Variants in TTLL11 observed in about 807,000 individuals in gnomAD.
TTLL11 encodes the protein tubulin tyrosine ligase like 11, also known as tubulin polyglutamylase TTLL11.
In TTLL11, 42 loss-of-function variants were observed where a neutral mutation model predicts 51.7. That is an observed-to-expected ratio of 0.81 (90% CI 0.64 to 1.05). The LOEUF (loss-of-function observed/expected upper bound fraction) is 1.05, where lower values mean the gene tolerates loss of function less well. TTLL11 is among the 50% of genes least tolerant of loss of function. The pLI is 0.00. For missense variants in TTLL11, 799 were observed against 940.4 expected, an observed-to-expected ratio of 0.85 and a Z score of 1.97; for synonymous variants, 381 against 383.5, an observed-to-expected ratio of 0.99 and a Z score of 0.08.
intron 7 of TTLL11, among the ~76,000 whole-genome samples, chr9:121,861,257 A>G (rs748237177): frequency 6.6e-6 from 1 of 152,046 alleles, no homozygotes; most frequent in African/African-American, 2.4e-5. Flanking sequence ...TTATATTTTT[A>G]GTAGAGACGG....
intron 1 of TTLL11, among the ~76,000 whole-genome samples, chr9:122,083,998 C>T (rs939867225): frequency 7.2e-5 from 11 of 152,028 alleles, no homozygotes; most frequent in African/African-American, 1.7e-4. Context: ...GGAATTGGAA[C>T]GAAGTTATTT....
rs1183195086 is a variant in TTLL11, at chr9:121,913,320, T to TAA, written c.1482-42574_1482-42573dup. Among the ~76,000 whole-genome samples the TAA allele has an allele frequency of 1.1e-4, 16 of 152,296 alleles. No individual in the cohort carries two copies. The South Asian group carries it at 1.5e-3, about 14-fold the overall frequency. ...ATCTTACTGACGCTAATTATTTCTT[T>TAA]AAAATGTGCGGATCTGTCCATTGGC... On this transcript the variant is annotated intron_variant, in intron 6 of 8. Coordinates refer to ENST00000321582, the MANE Select transcript of TTLL11 (RefSeq NM_001139442.2).
intron 3 of TTLL11, among the ~76,000 whole-genome samples, chr9:122,018,604 T>C (rs1844065019): frequency 2.0e-5 from 3 of 152,136 alleles, no homozygotes; most frequent in Admixed American, 2.0e-4. Flanking sequence ...GATGAAGAAA[T>C]GGGACTGAGT....
At chr9:121,839,211 A>G (rs576911176) in intron 8 of TTLL11, among the ~76,000 whole-genome samples, 25 of 152,308 alleles carry the variant, frequency 1.6e-4, no homozygotes, top group African/African-American at 5.5e-4. Context: ...CTGCGTTTCC[A>G]TGTTTAATGT....
chr9:121,951,258 T>C (rs906060996), intron 6 of TTLL11, among the ~76,000 whole-genome samples: 2 of 152,182 alleles, frequency 1.3e-5, no homozygotes, highest in African/African-American at 4.8e-5. Flanking sequence ...CCTGCAAGTT[T>C]CTCATTAATT....
Position 121,861,069 on chromosome 9 carries a change from T to C in TTLL11, c.1734-626A>G, listed in dbSNP as rs573310108. Among the ~76,000 whole-genome samples, 11 of 148,902 alleles carry C rather than the reference T, an allele frequency of 7.4e-5. No homozygotes were observed. The South Asian group carries it at 8.6e-4, about 12-fold the overall frequency. ...AACAGGCTGGAAAGAGCAAGAACTT[T>C]AGAAAAGCAAGGCAAGTGTTTTTTT... On this transcript the variant is annotated intron_variant, in intron 7 of 8. Coordinates refer to ENST00000321582, the MANE Select transcript of TTLL11 (RefSeq NM_001139442.2).
intron 1 of TTLL11, among the ~76,000 whole-genome samples, chr9:122,059,465 C>A (rs1007425626): frequency 6.6e-6 from 1 of 152,022 alleles, no homozygotes; most frequent in African/African-American, 2.4e-5. Flanking sequence ...CAGTTTTCAA[C>A]CTCATAAGTG....
At chr9:121,930,619 G>A (rs1327860371) in intron 6 of TTLL11, among the ~76,000 whole-genome samples, 1 of 152,218 alleles carries the variant, frequency 6.6e-6, no homozygotes, top group Non-Finnish European at 1.5e-5. Flanking sequence ...CAGCCAGCCA[G>A]CCGGCAGTGG....
At chr9:122,063,134 C>G (rs1187101489) in intron 1 of TTLL11, among the ~76,000 whole-genome samples, 2 of 152,046 alleles carry the variant, frequency 1.3e-5, no homozygotes, top group East Asian at 3.8e-4. Context: ...ATTTTTTTTA[C>G]CTGAATGTCA....
chr9:122,021,191 C>T (rs1270847216), intron 3 of TTLL11, among the ~76,000 whole-genome samples: 1 of 152,042 alleles, frequency 6.6e-6, no homozygotes, highest in South Asian at 2.1e-4. Context: ...ACGATGTGAA[C>T]CCTAGGATTG....
At chr9:122,049,170 C>T (rs566369517) in intron 1 of TTLL11, among the ~76,000 whole-genome samples, 1 of 152,356 alleles carries the variant, frequency 6.6e-6, no homozygotes, top group East Asian at 1.9e-4. Context: ...CACTCAAATA[C>T]ATGTCATCAT....
chr9:121,921,391 G>A (rs879351330), intron 6 of TTLL11, among the ~76,000 whole-genome samples: 1 of 152,184 alleles, frequency 6.6e-6, no homozygotes, highest in Non-Finnish European at 1.5e-5. Context: ...GGGGTGAACA[G>A]AGCTTCAAGG....
intron 7 of TTLL11, among the ~76,000 whole-genome samples, chr9:121,861,294 C>G (rs979439033): frequency 3.3e-5 from 5 of 152,112 alleles, no homozygotes; most frequent in Non-Finnish European, 7.4e-5. Flanking sequence ...CCAGGCTGGT[C>G]TTGAACTCCT....
chr9:121,828,390 G>A (rs1564261720), intron 8 of TTLL11, among the ~76,000 whole-genome samples: 1 of 152,060 alleles, frequency 6.6e-6, no homozygotes, highest in Non-Finnish European at 1.5e-5. Context: ...GGCCAGGCTG[G>A]TCTTAAACTC....
chr9:121,947,550 G>C (rs1337173014), intron 6 of TTLL11, among the ~76,000 whole-genome samples: 1 of 152,168 alleles, frequency 6.6e-6, no homozygotes, highest in South Asian at 2.1e-4. Context: ...TATGGGTTGG[G>C]TGCATTTGAC....
At chr9:121,991,862 G>A (rs149588485) in intron 3 of TTLL11, among the ~76,000 whole-genome samples, 156 of 152,268 alleles carry the variant, frequency 1.0e-3, no homozygotes, top group African/African-American at 2.8e-3. Flanking sequence ...AGGGGGAAAC[G>A]GAGGCTCAGA....
chr9:122,014,923 T>G (rs537082424), intron 3 of TTLL11, among the ~76,000 whole-genome samples: 1 of 152,296 alleles, frequency 6.6e-6, no homozygotes, highest in East Asian at 1.9e-4. Flanking sequence ...TTGTTTTGTA[T>G]CCACAGCACT....
intron 6 of TTLL11, among the ~76,000 whole-genome samples, chr9:121,970,660 C>G (rs1472995409): frequency 1.3e-5 from 2 of 152,218 alleles, no homozygotes; most frequent in South Asian, 2.1e-4. Flanking sequence ...TACCATCTCA[C>G]GCCAGTTAGA....
chr9:122,092,671 T>TCGGGC lies in TTLL11; in HGVS notation c.462+11_462+15dup, dbSNP rs1285340957. The TCGGGC allele has an allele frequency of 1.2e-5, 18 of 1,536,160 alleles. No homozygotes were observed. The highest frequency in any genetic ancestry group is 1.6e-5 in the Non-Finnish European group (18 of 1,146,702). On this transcript the variant is annotated intron_variant, in intron 1 of 8. Transcript: ENST00000321582. ...ACCCCACTGTGCCCACGCGGCCGGGTCGGGCCGGGCCTCACCTCCTTCCAC... is the reference window on the plus strand; with the variant it reads ...ACCCCACTGTGCCCACGCGGCCGGGTCGGGCCGGGCCGGGCCTCACCTCCTTCCAC...
Sources: allele counts gnomAD v4.1 joint callset (sites outside exome capture counted in the v4.1 genomes callset), GRCh38; gene constraint gnomAD v4.1.1; transcripts MANE v1.5; gene names NCBI Gene and HGNC (gene_info 2026-07-23, HGNC 2026-07-21).